Variants in TNIK observed in about 807,000 individuals in gnomAD.
The protein encoded by TNIK is TRAF2 and NCK interacting kinase, also known as TRAF2 and NCK-interacting protein kinase.
Under a neutral mutation model 191.3 loss-of-function variants are expected in TNIK, and 49 were observed. That is an observed-to-expected ratio of 0.26 (90% CI 0.20 to 0.32). The LOEUF is 0.32. Ranked by LOEUF, TNIK falls within the 10% of genes least tolerant of loss-of-function variation. The pLI is 1.00. For missense variants in TNIK, 1,155 were observed against 1,702.3 expected (o/e 0.68, Z 5.66); for synonymous variants, 594 against 600.9 (o/e 0.99, Z 0.17).
chr3:171,207,037 A>T (rs59135362), intron 4 of TNIK, among the ~76,000 whole-genome samples: 7 of 150,768 alleles, frequency 4.6e-5, no homozygotes, highest in East Asian at 3.9e-4. Flanking sequence ...TTTTTTTTTT[A>T]AATTGAGAAC....
At chr3:171,067,723 T>C (rs981903373) in intron 30 of TNIK, among the ~76,000 whole-genome samples, 3 of 151,928 alleles carry the variant, frequency 2.0e-5, no homozygotes, top group Non-Finnish European at 2.9e-5. Flanking sequence ...ATTAATTTGT[T>C]CTAGGAAAGG....
chr3:171,302,543 C>T (rs1752995910), intron 2 of TNIK, among the ~76,000 whole-genome samples: 1 of 152,146 alleles, frequency 6.6e-6, no homozygotes, highest in African/African-American at 2.4e-5. Context: ...GGTCCATAAC[C>T]AAACCTTGGC....
intron 2 of TNIK, among the ~76,000 whole-genome samples, chr3:171,248,264 A>G (rs990234840): frequency 2.0e-5 from 3 of 152,096 alleles, no homozygotes; most frequent in African/African-American, 7.2e-5. Flanking sequence ...AAGGGAGGAG[A>G]GGAGAGTGGT....
At chr3:171,166,174 T>C (rs1343116646) in intron 10 of TNIK, among the ~76,000 whole-genome samples, 1 of 152,192 alleles carries the variant, frequency 6.6e-6, no homozygotes, top group East Asian at 1.9e-4. Flanking sequence ...AGTTGTTAAT[T>C]GGAATGCAAA....
intron 1 of TNIK, among the ~76,000 whole-genome samples, chr3:171,379,277 A>C (rs1299781877): frequency 6.6e-6 from 1 of 152,220 alleles, no homozygotes; most frequent in Non-Finnish European, 1.5e-5. Flanking sequence ...ATTCTACATA[A>C]ATTGATTATT....
intron 2 of TNIK, among the ~76,000 whole-genome samples, chr3:171,325,764 C>T (rs1017945088): frequency 2.0e-5 from 3 of 152,202 alleles, no homozygotes; most frequent in Non-Finnish European, 1.5e-5. Flanking sequence ...GAGGACCACT[C>T]TGGAAAGGGT....
chr3:171,181,266 G>A (rs1342298576), intron 7 of TNIK, among the ~76,000 whole-genome samples: 1 of 152,236 alleles, frequency 6.6e-6, no homozygotes, highest in Non-Finnish European at 1.5e-5. Flanking sequence ...TGGCATGCAT[G>A]TATTGATCAG....
At chr3:171,341,359 C>T (rs1169022166) in intron 2 of TNIK, among the ~76,000 whole-genome samples, 1 of 151,258 alleles carries the variant, frequency 6.6e-6, no homozygotes, top group African/African-American at 2.4e-5. Flanking sequence ...GTAATCGTAG[C>T]TATTTGGGAG....
chr3:171,100,842 G>A (rs1391016352), intron 22 of TNIK, among the ~76,000 whole-genome samples: 1 of 150,676 alleles, frequency 6.6e-6, no homozygotes. Flanking sequence ...ACTGCAAAGA[G>A]ACTGACAGTA....
chr3:171,384,824 G>A (rs1291101168), intron 1 of TNIK, among the ~76,000 whole-genome samples: 1 of 152,124 alleles, frequency 6.6e-6, no homozygotes. Flanking sequence ...TGACTTCATC[G>A]TTTATAATTT....
chr3:171,427,465 G>A (rs1454946672), intron 1 of TNIK, among the ~76,000 whole-genome samples: 1 of 151,954 alleles, frequency 6.6e-6, no homozygotes, highest in Non-Finnish European at 1.5e-5. Context: ...TATTAACCAT[G>A]TGCCCAATGC....
intron 2 of TNIK, among the ~76,000 whole-genome samples, chr3:171,235,856 G>C (rs892958358): frequency 6.6e-6 from 1 of 151,836 alleles, no homozygotes; most frequent in Non-Finnish European, 1.5e-5. Context: ...GAACTTAGTA[G>C]AAGGGTCAAT....
chr3:171,380,412 G>C (rs889332198), intron 1 of TNIK, among the ~76,000 whole-genome samples: 2 of 152,154 alleles, frequency 1.3e-5, no homozygotes, highest in African/African-American at 4.8e-5. Flanking sequence ...AGAAAGATTA[G>C]GAAACAATTC....
At chr3:171,351,916 C>G (rs1713274350) in intron 2 of TNIK, among the ~76,000 whole-genome samples, 1 of 152,190 alleles carries the variant, frequency 6.6e-6, no homozygotes, top group Non-Finnish European at 1.5e-5. Context: ...CCATCCTGAA[C>G]CCTGGATTTA....
chr3:171,244,199 G>C (rs979501909), intron 2 of TNIK, among the ~76,000 whole-genome samples: 2 of 151,844 alleles, frequency 1.3e-5, no homozygotes, highest in African/African-American at 4.8e-5. Context: ...CGAGTAGCTG[G>C]GACTACAGGC....
chr3:171,451,493 T>C (rs577888039), intron 1 of TNIK, among the ~76,000 whole-genome samples: 2 of 152,324 alleles, frequency 1.3e-5, no homozygotes, highest in African/African-American at 4.8e-5. Flanking sequence ...CTGTGAGATA[T>C]AATAAATGGT....
intron 2 of TNIK, among the ~76,000 whole-genome samples, chr3:171,242,590 C>T (rs1190465139): frequency 2.0e-5 from 3 of 151,784 alleles, no homozygotes; most frequent in African/African-American, 7.3e-5. Flanking sequence ...TGGCTTCTGT[C>T]TGCATGAGGG....
intron 15 of TNIK, among the ~76,000 whole-genome samples, chr3:171,136,473 T>TGGA (rs1379225194): frequency 6.6e-6 from 1 of 152,138 alleles, no homozygotes; most frequent in African/African-American, 2.4e-5. Context: ...GAGAGTGCCT[T>TGGA]GGAGATCTCA....
chr3:171,186,554 A>T (rs1360314659), intron 7 of TNIK, among the ~76,000 whole-genome samples: 1 of 152,182 alleles, frequency 6.6e-6, no homozygotes, highest in Non-Finnish European at 1.5e-5. Flanking sequence ...AGTGAAGCTC[A>T]TATCCCTGCC....
Sources: gnomAD v4.1 joint callset for allele counts (sites outside exome capture counted in the v4.1 genomes callset) on GRCh38, gnomAD v4.1.1 for gene constraint, MANE v1.5 for transcripts, NCBI Gene and HGNC (gene_info 2026-07-23, HGNC 2026-07-21) for gene names.